DDC: variants seen among roughly 807,000 people sequenced by gnomAD.
The protein encoded by DDC is aromatic-L-amino-acid decarboxylase.
A neutral mutation model predicts 60.0 loss-of-function variants in DDC; 43 were observed. The ratio of observed to expected loss-of-function variants is 0.72; its 90% CI spans 0.56 to 0.92. The LOEUF (loss-of-function observed/expected upper bound fraction) is 0.92, where lower values mean the gene tolerates loss of function less well. DDC is among the 40% of genes least tolerant of loss of function. The probability of loss-of-function intolerance (pLI) is 0.00; values close to 1 mark genes in which losing one functional copy is unlikely to be tolerated. For missense variants in DDC, 573 were observed against 620.2 expected (o/e 0.92, Z 0.81); for synonymous variants, 232 against 234.6 (o/e 0.99, Z 0.10).
intron 6 of DDC, among the ~76,000 whole-genome samples, chr7:50,508,048 G>C (rs958148407): frequency 1.3e-5 from 2 of 152,220 alleles, no homozygotes; most frequent in African/African-American, 4.8e-5. Context: ...TGGGACACCA[G>C]TCCCTGAACA....
At chr7:50,553,779 C>A (rs2045090983) in intron 1 of DDC, among the ~76,000 whole-genome samples, 1 of 152,060 alleles carries the variant, frequency 6.6e-6, no homozygotes, top group Non-Finnish European at 1.5e-5. Context: ...ACCACCGTAC[C>A]CAGCCTGACT....
At chr7:50,560,049 C>T (rs1334151058) in intron 1 of DDC, among the ~76,000 whole-genome samples, 4 of 152,140 alleles carry the variant, frequency 2.6e-5, no homozygotes, top group Non-Finnish European at 5.9e-5. Context: ...ATCCAGACAC[C>T]CCTTAACTTG....
At chr7:50,549,698 G>C (rs118149139) in intron 1 of DDC, among the ~76,000 whole-genome samples, 2,701 of 152,008 alleles carry the variant, frequency 0.018, 162 homozygotes, top group Admixed American at 0.11. Flanking sequence ...ATGGAAAGAG[G>C]TCACAATATC....
chr7:50,532,268 C>T (rs1252147389), intron 4 of DDC, among the ~76,000 whole-genome samples: 2 of 152,154 alleles, frequency 1.3e-5, no homozygotes, highest in African/African-American at 4.8e-5. Context: ...TCCTTTCATC[C>T]AGAAAAAAAC....
chr7:50,513,068 C>G (rs551568506), intron 6 of DDC, among the ~76,000 whole-genome samples: 1 of 152,168 alleles, frequency 6.6e-6, no homozygotes, highest in African/African-American at 2.4e-5. Context: ...ACTGCAAGAA[C>G]AAACCAGCAA....
At chr7:50,543,386 TC>T (rs761582451) in intron 2 of DDC, 71 of 228,390 alleles carry the variant, frequency 3.1e-4, no homozygotes, top group Admixed American at 6.2e-4. Flanking sequence ...CCTACTGGCT[TC>T]AGAGAAAAAG....
At chr7:50,539,558 G>A (rs1393098090) in intron 3 of DDC, among the ~76,000 whole-genome samples, 3 of 152,150 alleles carry the variant, frequency 2.0e-5, no homozygotes, top group South Asian at 4.1e-4. Context: ...GGCAGTCGCG[G>A]TTCTCAAGCT....
Position 50,467,280 on chromosome 7 carries a change from C to T in DDC, c.1176G>A (p.Val392=). ...AGATTTCAAAGCGGGGATCCTGGCG[C>T]ACCAGTGACTCAAACTCATGGGACA... The part of the protein sequence containing the change: ...VQLSHEFESL[V]RQDPRFEICV... The change falls in exon 13 of 15, where the codon GTG becomes GTA. Residue 392 remains valine, a synonymous_variant. Transcript: ENST00000444124. 1 of 1,614,112 alleles carries T rather than the reference C, an allele frequency of 6.2e-7. No individual in the cohort carries two copies. The highest frequency in any genetic ancestry group is 1.1e-5 in the South Asian group (1 of 91,082).
At chr7:50,511,288 C>T (rs2043571642) in intron 6 of DDC, among the ~76,000 whole-genome samples, 1 of 146,144 alleles carries the variant, frequency 6.8e-6, no homozygotes, top group Non-Finnish European at 1.5e-5. Flanking sequence ...TAATAGAGTA[C>T]TATGCGACTT....
At chr7:50,496,928 T>C (rs549028810) in intron 8 of DDC, among the ~76,000 whole-genome samples, 7 of 152,332 alleles carry the variant, frequency 4.6e-5, no homozygotes, top group African/African-American at 1.7e-4. Flanking sequence ...CCAGGTTCAT[T>C]TCCTTCTAGG....
chr7:50,509,071 A>C (rs760318832), intron 6 of DDC, among the ~76,000 whole-genome samples: 1 of 152,060 alleles, frequency 6.6e-6, no homozygotes, highest in Non-Finnish European at 1.5e-5. Flanking sequence ...GTATATATGC[A>C]TTGTTCTCAT....
chr7:50,492,871 G>A (rs1025536302), intron 9 of DDC: 2 of 1,577,764 alleles, frequency 1.3e-6, no homozygotes, highest in East Asian at 2.3e-5. Context: ...CATCAGCTCT[G>A]CAGCGTCTGC....
Position 50,528,249 on chromosome 7 carries a change from ATT to A in DDC, c.600_601del (p.Leu200PhefsTer52). On this transcript the variant is annotated frameshift_variant, in exon 6 of 15. Transcript: ENST00000444124. LOFTEE classifies it high-confidence loss of function. Reference sequence around the variant, plus strand: ...GATGGCTTTTAATTTCACTCCACCAATTAACCCAGCTCTTTCCACTGAGGAGT... The same window carrying A: ...GATGGCTTTTAATTTCACTCCACCAAAACCCAGCTCTTTCCACTGAGGAGT... The A allele has an allele frequency of 6.2e-7, 1 of 1,614,154 alleles. No individual in the cohort carries two copies. The highest frequency in any genetic ancestry group is 8.5e-7 in the Non-Finnish European group (1 of 1,180,014).
chr7:50,486,184 C>T (rs984855085), intron 9 of DDC, among the ~76,000 whole-genome samples: 4 of 152,190 alleles, frequency 2.6e-5, no homozygotes, highest in African/African-American at 9.7e-5. Flanking sequence ...TCTCATTCTC[C>T]AGCTTCTATA....
chr7:50,480,100 T>C, intron 9 of DDC: 1 of 556,484 alleles, frequency 1.8e-6, no homozygotes, highest in Non-Finnish European at 3.2e-6. Context: ...ACCCTTGAGA[T>C]CTCCTAGTGA....
Position 50,538,173 on chromosome 7 carries a change from CACCATAATGAACCTT to C in DDC, c.316-209_316-195del, listed in dbSNP as rs543636152. Among the ~76,000 whole-genome samples the C allele has an allele frequency of 2.7e-4, 41 of 152,240 alleles. No individual in the cohort carries two copies. In the South Asian group the frequency reaches 8.3e-3, roughly 31 times the overall value. On this transcript the variant is annotated intron_variant, in intron 3 of 14. Coordinates refer to ENST00000444124, the MANE Select transcript of DDC (RefSeq NM_001082971.2). ...AGCGGTTGGGAAGGAACATACGGGCCACCATAATGAACCTTACTCCACTGAGCCTCACTGCATGGG... is the reference window on the plus strand; with the variant it reads ...AGCGGTTGGGAAGGAACATACGGGCCACTCCACTGAGCCTCACTGCATGGG...
At chr7:50,541,448 C>G (rs1002435991) in intron 2 of DDC, 11 of 152,236 alleles carry the variant, frequency 7.2e-5, no homozygotes, top group African/African-American at 2.7e-4. Flanking sequence ...AATCCTAACC[C>G]CCAAAGTGAT....
intron 2 of DDC, chr7:50,542,848 T>C (rs2044678546): frequency 1.3e-5 from 2 of 152,242 alleles, no homozygotes; most frequent in South Asian, 2.1e-4. Context: ...GCTCAGCTAC[T>C]GAGAAACCAG....
intron 4 of DDC, among the ~76,000 whole-genome samples, chr7:50,534,400 C>T (rs1374059483): frequency 6.6e-6 from 1 of 152,150 alleles, no homozygotes; most frequent in Non-Finnish European, 1.5e-5. Context: ...AGTTTGAGAC[C>T]AGCCTGGGCA....
Sources: allele counts gnomAD v4.1 joint callset (sites outside exome capture counted in the v4.1 genomes callset), GRCh38; gene constraint gnomAD v4.1.1; transcripts MANE v1.5; gene names NCBI Gene and HGNC (gene_info 2026-07-23, HGNC 2026-07-21).